ZNF385D: variants seen among roughly 807,000 people sequenced by gnomAD.
The protein encoded by ZNF385D is zinc finger protein 659.
Under a neutral mutation model 35.8 loss-of-function variants are expected in ZNF385D, and 15 were observed. The ratio of observed to expected loss-of-function variants is 0.42; its 90% confidence interval spans 0.28 to 0.64. The LOEUF (loss-of-function observed/expected upper bound fraction) is 0.64, where lower values mean the gene tolerates loss of function less well. ZNF385D is among the 30% of genes least tolerant of loss of function. ZNF385D has a pLI of 0.23. For synonymous variants in ZNF385D, 212 were observed against 186.8 expected (o/e 1.13, Z -1.10); for missense variants, 474 against 494.6 (o/e 0.96, Z 0.39).
At chr3:22,194,852 C>A (rs1696301818) in intron 2 of ZNF385D, among the ~76,000 whole-genome samples, 1 of 151,792 alleles carries the variant, frequency 6.6e-6, no homozygotes, top group South Asian at 2.1e-4. Flanking sequence ...CTGAGAATTT[C>A]TCCATAGTAT....
intron 1 of ZNF385D, among the ~76,000 whole-genome samples, chr3:21,677,056 G>T (rs9871442): frequency 0.065 from 9,908 of 152,112 alleles, 375 homozygotes; most frequent in East Asian, 0.13. Flanking sequence ...TAAGGAAAGG[G>T]ACATCTATAT....
At chr3:22,073,327 A>G (rs1700315808) in intron 3 of ZNF385D, among the ~76,000 whole-genome samples, 1 of 146,736 alleles carries the variant, frequency 6.8e-6, no homozygotes. Context: ...AGAAACAGAC[A>G]GTGAAAAAAA....
intron 3 of ZNF385D, among the ~76,000 whole-genome samples, chr3:21,782,458 G>A (rs773320266): frequency 1.6e-4 from 25 of 152,078 alleles, no homozygotes; most frequent in African/African-American, 5.8e-4. Flanking sequence ...CAAGACAAAT[G>A]AGCTTCTAAT....
chr3:21,704,998 A>G (rs1431992690), intron 1 of ZNF385D, among the ~76,000 whole-genome samples: 1 of 152,168 alleles, frequency 6.6e-6, no homozygotes, highest in Non-Finnish European at 1.5e-5. Flanking sequence ...GGCCCAAGTC[A>G]TCTGTAAGGG....
intron 2 of ZNF385D, among the ~76,000 whole-genome samples, chr3:22,306,342 C>CTT (rs891241935): frequency 1.3e-5 from 2 of 148,690 alleles, no homozygotes; most frequent in African/African-American, 4.9e-5. Flanking sequence ...TAAAAAAAGT[C>CTT]TTTTTTTTTT....
chr3:21,489,038 G>A (rs538783977), intron 4 of ZNF385D, among the ~76,000 whole-genome samples: 23 of 152,102 alleles, frequency 1.5e-4, no homozygotes, highest in Non-Finnish European at 2.5e-4. Context: ...GTTAACAGCC[G>A]AAGAATGCCA....
At chr3:21,964,390 G>T (rs772623051) in intron 3 of ZNF385D, among the ~76,000 whole-genome samples, 1 of 122,562 alleles carries the variant, frequency 8.2e-6, no homozygotes, top group Non-Finnish European at 1.6e-5. Context: ...GTAACTACTG[G>T]CTCTACAGTT....
At chr3:21,794,772 G>A (rs1297634839) in intron 3 of ZNF385D, among the ~76,000 whole-genome samples, 1 of 152,166 alleles carries the variant, frequency 6.6e-6, no homozygotes, top group Admixed American at 6.5e-5. Flanking sequence ...AATGGGAAAA[G>A]AGTTTGTAAG....
At chr3:22,245,881 A>C (rs1457764659) in intron 2 of ZNF385D, among the ~76,000 whole-genome samples, 3 of 152,108 alleles carry the variant, frequency 2.0e-5, no homozygotes, top group African/African-American at 4.8e-5. Context: ...CTAATCAAGT[A>C]ATAATCACTC....
chr3:22,217,865 C>T (rs1414360746), intron 2 of ZNF385D, among the ~76,000 whole-genome samples: 1 of 152,048 alleles, frequency 6.6e-6, no homozygotes, highest in Non-Finnish European at 1.5e-5. Flanking sequence ...CCTCTAACTG[C>T]ACAATCTCCA....
chr3:21,673,438 G>C (rs1448638632), intron 1 of ZNF385D, among the ~76,000 whole-genome samples: 3 of 152,106 alleles, frequency 2.0e-5, no homozygotes. Context: ...TTACAGATAA[G>C]ATGCTTGATA....
chr3:21,755,289 T>A (rs533331327), upstream of ZNF385D, among the ~76,000 whole-genome samples: 59 of 152,322 alleles, frequency 3.9e-4, no homozygotes, highest in African/African-American at 1.3e-3. Flanking sequence ...TCCATTATCA[T>A]CTTTAAAAAT....
At chr3:21,464,743 A>AACACACAAACACAC (rs1553589980) in intron 4 of ZNF385D, among the ~76,000 whole-genome samples, 80 of 150,316 alleles carry the variant, frequency 5.3e-4, no homozygotes, top group Middle Eastern at 3.4e-3. Context: ...AATAAATTAA[A>AACACACAAACACAC]ACACACACAC....
intron 2 of ZNF385D, among the ~76,000 whole-genome samples, chr3:21,577,744 C>A (rs1029145656): frequency 6.6e-6 from 1 of 151,214 alleles, no homozygotes; most frequent in Non-Finnish European, 1.5e-5. Flanking sequence ...CTTTGATTTG[C>A]ATTTCGTTGA....
chr3:22,366,089 T>C (rs1415260615), intron 2 of ZNF385D, among the ~76,000 whole-genome samples: 2 of 152,106 alleles, frequency 1.3e-5, no homozygotes, highest in African/African-American at 4.8e-5. Flanking sequence ...TTTCAGGTTA[T>C]ATACAGTACA....
At chr3:21,903,637 G>A (rs995087634) in intron 3 of ZNF385D, among the ~76,000 whole-genome samples, 1 of 152,108 alleles carries the variant, frequency 6.6e-6, no homozygotes, top group Non-Finnish European at 1.5e-5. Flanking sequence ...CATTTAAAAA[G>A]GGTGCATTTT....
Position 22,329,179 on chromosome 3 carries a change from G to A in ZNF385D, c.106+43271C>T, listed in dbSNP as rs562352743. On this transcript the variant is annotated intron_variant, in intron 2 of 5. Coordinates refer to the ZNF385D transcript ENST00000494108. ...CATGCCTTCCTCTAGTCCACCGTCCGTGCTGATGTACATCCTGCAATAAGC... is the reference window on the plus strand; with the variant it reads ...CATGCCTTCCTCTAGTCCACCGTCCATGCTGATGTACATCCTGCAATAAGC... Among the ~76,000 whole-genome samples the A allele has an allele frequency of 6.0e-4, 91 of 151,774 alleles. 1 individual carries two copies. The highest frequency in any genetic ancestry group is 5.1e-3 in the Admixed American group (78 of 15,256).
At chr3:21,483,718 T>C (rs1371110807) in intron 4 of ZNF385D, among the ~76,000 whole-genome samples, 1 of 152,206 alleles carries the variant, frequency 6.6e-6, no homozygotes, top group Admixed American at 6.5e-5. Flanking sequence ...ATCTGTGCAT[T>C]ATTTGACAAA....
At chr3:21,615,808 G>GTGTGTGTGTGTGTGTGTC (rs1401094625) in intron 2 of ZNF385D, among the ~76,000 whole-genome samples, 22 of 151,546 alleles carry the variant, frequency 1.5e-4, no homozygotes, top group Admixed American at 1.4e-3. Flanking sequence ...GTGTGTGTGT[G>GTGTGTGTGTGTGTGTGTC]TGTGTGTGTT....
Sources: allele counts gnomAD v4.1 joint callset (sites outside exome capture counted in the v4.1 genomes callset), GRCh38; gene constraint gnomAD v4.1.1; transcripts MANE v1.5; gene names NCBI Gene and HGNC (gene_info 2026-07-23, HGNC 2026-07-21).